Variants in DNAH7 observed in about 807,000 individuals in gnomAD.
The protein encoded by DNAH7 is dynein axonemal heavy chain 7.
A neutral mutation model predicts 444.6 loss-of-function variants in DNAH7; 397 were observed. That is an observed-to-expected ratio of 0.89 (90% CI 0.82 to 0.97). The LOEUF (loss-of-function observed/expected upper bound fraction) is 0.97, where lower values mean the gene tolerates loss of function less well. DNAH7 is among the 50% of genes least tolerant of loss of function. The probability of loss-of-function intolerance (pLI) is 0.00; values close to 1 mark genes in which losing one functional copy is unlikely to be tolerated. For missense variants in DNAH7, 4,902 were observed against 4,800.8 expected (o/e 1.02, Z -0.62); for synonymous variants, 1,636 against 1,624.4 (o/e 1.01, Z -0.17).
chr2:196,010,163 T>G (rs1227891933), intron 10 of DNAH7, among the ~76,000 whole-genome samples: 1 of 151,904 alleles, frequency 6.6e-6, no homozygotes, highest in African/African-American at 2.4e-5. Flanking sequence ...TTTTTTTTTT[T>G]TCTTGAGCCA....
intron 36 of DNAH7, among the ~76,000 whole-genome samples, chr2:195,879,787 G>C (rs527898172): frequency 6.6e-6 from 1 of 152,162 alleles, no homozygotes; most frequent in East Asian, 1.9e-4. Context: ...TGCCAATAGA[G>C]CTAATCTTTA....
At chr2:196,055,527 G>T (rs1697749333) in intron 2 of DNAH7, among the ~76,000 whole-genome samples, 1 of 152,234 alleles carries the variant, frequency 6.6e-6, no homozygotes, top group African/African-American at 2.4e-5. Context: ...AAATGGTTCT[G>T]GTTTCTACAA....
intron 6 of DNAH7, among the ~76,000 whole-genome samples, chr2:196,027,163 T>C (rs181238524): frequency 6.6e-6 from 1 of 152,146 alleles, no homozygotes; most frequent in Admixed American, 6.5e-5. Context: ...ATAACTATAC[T>C]GTAAAACATC....
intron 51 of DNAH7, among the ~76,000 whole-genome samples, chr2:195,814,899 C>T (rs112490345): frequency 3.9e-5 from 6 of 152,064 alleles, no homozygotes; most frequent in African/African-American, 1.4e-4. Flanking sequence ...CACCACCGTG[C>T]CCAGCTAAAT....
intron 25 of DNAH7, among the ~76,000 whole-genome samples, chr2:195,907,893 C>CT (rs1687128149): frequency 6.6e-6 from 1 of 151,994 alleles, no homozygotes; most frequent in South Asian, 2.1e-4. Flanking sequence ...ACTTTGACCT[C>CT]TAATGCATGG....
chr2:196,059,084 A>C (rs1697992420), intron 1 of DNAH7, among the ~76,000 whole-genome samples: 1 of 152,242 alleles, frequency 6.6e-6, no homozygotes. Context: ...AGAATTGGGC[A>C]TATCTTCTGG....
chr2:195,784,536 T>C (rs1001348512), intron 58 of DNAH7, among the ~76,000 whole-genome samples: 1 of 152,248 alleles, frequency 6.6e-6, no homozygotes, highest in African/African-American at 2.4e-5. Context: ...GTTTTGCCAA[T>C]TATGAATAAA....
chr2:195,987,882 A>T, intron 13 of DNAH7, 75 bp downstream of exon 13: 1 of 1,375,994 alleles, frequency 7.3e-7, no homozygotes, highest in East Asian at 2.3e-5. Flanking sequence ...TCTGTGTTCT[A>T]AAAATACATC....
At chr2:195,921,091 G>C (rs1300895381) in intron 24 of DNAH7, among the ~76,000 whole-genome samples, 2 of 152,100 alleles carry the variant, frequency 1.3e-5, no homozygotes, top group African/African-American at 2.4e-5. Context: ...AGTGAAAGGG[G>C]AACACTTTTA....
intron 55 of DNAH7, among the ~76,000 whole-genome samples, chr2:195,798,438 G>C (rs1007382931): frequency 4.1e-4 from 61 of 150,108 alleles, no homozygotes; most frequent in African/African-American, 1.4e-3. Context: ...CCAATCATCT[G>C]TTTATTATTA....
At chr2:195,793,016 A>C (rs981893604) in intron 57 of DNAH7, among the ~76,000 whole-genome samples, 2 of 152,024 alleles carry the variant, frequency 1.3e-5, no homozygotes, top group Non-Finnish European at 2.9e-5. Context: ...TGCAGCCTTA[A>C]ACTCCTGGGC....
chr2:195,891,571 T>G, intron 31 of DNAH7, 84 bp downstream of exon 31: 1 of 1,232,744 alleles, frequency 8.1e-7, no homozygotes, highest in Middle Eastern at 2.0e-4. Context: ...ATACAATTAG[T>G]TTGTTTGAAA....
chr2:195,786,694 A>G (rs2105972947), intron 58 of DNAH7, among the ~76,000 whole-genome samples: 1 of 151,592 alleles, frequency 6.6e-6, no homozygotes, highest in Admixed American at 6.6e-5. Context: ...ACATTTTGGA[A>G]CCTGGTTAAT....
At chr2:195,894,559 CATT>C (rs149260514) in intron 30 of DNAH7, 1,696 of 152,756 alleles carry the variant, frequency 0.011, 34 homozygotes, top group East Asian at 0.067. Context: ...CTGAATGTGT[CATT>C]ATATATGTGT....
intron 54 of DNAH7, among the ~76,000 whole-genome samples, chr2:195,804,921 A>G (rs377019096): frequency 6.6e-6 from 1 of 152,210 alleles, no homozygotes; most frequent in Non-Finnish European, 1.5e-5. Flanking sequence ...AGAGGGCTAA[A>G]GTACTAGGCA....
At chr2:195,941,093 T>C (rs941190402) in intron 19 of DNAH7, among the ~76,000 whole-genome samples, 4 of 152,090 alleles carry the variant, frequency 2.6e-5, no homozygotes, top group African/African-American at 4.8e-5. Context: ...TGCGGTACTA[T>C]TCACAATAGC....
At chr2:196,060,078 T>C (rs1198067411) in intron 1 of DNAH7, among the ~76,000 whole-genome samples, 1 of 151,370 alleles carries the variant, frequency 6.6e-6, no homozygotes, top group African/African-American at 2.4e-5. Context: ...ATTAGCCGGG[T>C]GTGGTGGCAG....
chr2:195,826,367 C>T (rs1196376151), intron 48 of DNAH7, among the ~76,000 whole-genome samples: 1 of 152,128 alleles, frequency 6.6e-6, no homozygotes, highest in Non-Finnish European at 1.5e-5. Flanking sequence ...TTGTCATGCT[C>T]ATAACTGTAA....
chr2:196,051,222 T>C lies in DNAH7; in HGVS notation c.106A>G (p.Lys36Glu), dbSNP rs1399606036. The change falls in exon 3 of 65, where the codon AAG becomes GAG. Residue 36 changes from lysine to glutamate, a missense_variant. Lys to Glu is a moderately conservative substitution (Grantham distance 56, BLOSUM62 1). Transcript: ENST00000312428. Reference protein sequence around the residue: ...MEKLASKEKFKAPARALPQLS... With the variant: ...MEKLASKEKFEAPARALPQLS... The stretch of plus-strand genomic sequence containing the variant: ...TGTGGTAAAGCTCTTGCTGGTGCCT[T>C]GAACTTTTCTTTGCTGGCTAATTTC... The C allele has an allele frequency of 6.2e-7, 1 of 1,613,940 alleles. No homozygotes were observed. The highest frequency in any genetic ancestry group is 2.2e-5 in the East Asian group (1 of 44,826).
Sources: allele counts gnomAD v4.1 joint callset (sites outside exome capture counted in the v4.1 genomes callset), GRCh38; gene constraint gnomAD v4.1.1; transcripts MANE v1.5; gene names NCBI Gene and HGNC (gene_info 2026-07-23, HGNC 2026-07-21).